Variants in ATP6V1C2 observed in about 807,000 individuals in gnomAD.
The protein encoded by ATP6V1C2 is ATPase H+ transporting V1 subunit C2.
In ATP6V1C2, 45 loss-of-function variants were observed where a neutral mutation model predicts 56.8. That is an observed-to-expected ratio of 0.79 (90% CI 0.62 to 1.02). ATP6V1C2 has a LOEUF of 1.02. ATP6V1C2 is among the 50% of genes least tolerant of loss of function. ATP6V1C2 has a pLI of 0.00. For missense variants in ATP6V1C2, 463 were observed against 519.7 expected (o/e 0.89, Z 1.06); for synonymous variants, 220 against 201.3 (o/e 1.09, Z -0.79).
chr2:10,756,016 A>G (rs1663534103), intron 4 of ATP6V1C2, among the ~76,000 whole-genome samples: 1 of 152,234 alleles, frequency 6.6e-6, no homozygotes, highest in Non-Finnish European at 1.5e-5. Flanking sequence ...ATCTGTAGAG[A>G]TAATTAAACT....
Position 10,764,287 on chromosome 2 carries a change from C to T in ATP6V1C2, c.284-44C>T, listed in dbSNP as rs373177193. Reference sequence around the variant, plus strand: ...GATTCCGAAGTCTCAATCATGGATGCAGAGCGCAGGCTCATGTGTTGAAAT... The same window carrying T: ...GATTCCGAAGTCTCAATCATGGATGTAGAGCGCAGGCTCATGTGTTGAAAT... On this transcript the variant is annotated intron_variant, in intron 4 of 13. Transcript: ENST00000272238. 46 of 1,496,614 alleles carry T rather than the reference C, an allele frequency of 3.1e-5. No homozygotes were observed. The African/African-American group carries it at 5.5e-4, about 18-fold the overall frequency. 92.7% of individuals were successfully genotyped at this position (1,496,614 alleles called of 1,614,324 possible). A position where few individuals can be genotyped will look rare whatever the true frequency, so the allele number is the denominator to read the frequency against.
intron 8 of ATP6V1C2, among the ~76,000 whole-genome samples, chr2:10,773,110 C>T (rs1180729626): frequency 2.6e-5 from 4 of 152,176 alleles, no homozygotes; most frequent in Non-Finnish European, 5.9e-5. Flanking sequence ...CGGGACACTG[C>T]ATGGCGGGGG....
intron 3 of ATP6V1C2, among the ~76,000 whole-genome samples, chr2:10,741,295 A>G (rs1485702273): frequency 1.3e-5 from 2 of 152,204 alleles, no homozygotes; most frequent in Non-Finnish European, 2.9e-5. Flanking sequence ...AAATCACTTA[A>G]TTGCTGTGGA....
intron 3 of ATP6V1C2, among the ~76,000 whole-genome samples, chr2:10,741,485 C>A (rs1226853221): frequency 1.3e-5 from 2 of 152,166 alleles, no homozygotes; most frequent in African/African-American, 4.8e-5. Context: ...GGTGTGGGGG[C>A]CCCTCTTGTG....
chr2:10,757,505 T>C, intron 4 of ATP6V1C2: 1 of 398,638 alleles, frequency 2.5e-6, no homozygotes. Context: ...GATGCCCGCA[T>C]GTCCCGGGAA....
At chr2:10,776,899 G>A (rs982767501) in intron 10 of ATP6V1C2, among the ~76,000 whole-genome samples, 18 of 152,238 alleles carry the variant, frequency 1.2e-4, no homozygotes, top group South Asian at 2.1e-4. Context: ...CTCTGTGGGC[G>A]GGAGGTGGAG....
chr2:10,764,476 C>A (rs1163485926), intron 5 of ATP6V1C2, 51 bp downstream of exon 5: 2 of 1,527,164 alleles, frequency 1.3e-6, no homozygotes, highest in African/African-American at 1.4e-5. Flanking sequence ...GTCAGGCGGG[C>A]AAGAGCCTGG....
intron 8 of ATP6V1C2, 52 bp from the exon 9 acceptor site, chr2:10,774,735 TC>T (rs1664847364): frequency 6.5e-7 from 1 of 1,543,968 alleles, no homozygotes; most frequent in African/African-American, 1.4e-5. Flanking sequence ...TGAGCCCCAC[TC>T]CCGCACAAGG....
In ATP6V1C2 at chr2:10,784,156, C is replaced by G. The variant is rs1293213107; in HGVS notation, c.*893C>G. The G allele has an allele frequency of 1.3e-6, 1 of 756,440 alleles. No homozygotes were observed. The highest frequency in any genetic ancestry group is 2.1e-6 in the Non-Finnish European group (1 of 474,394). 46.9% of individuals were successfully genotyped at this position (756,440 alleles called of 1,614,324 possible). On this transcript the variant is annotated 3_prime_UTR_variant, in exon 14 of 14. Transcript: ENST00000272238. ...CAAGTACTACTTCTTGGTTAAAAGGCCACTGGTAGAGTCATCTGAGTGTAG... is the reference window on the plus strand; with the variant it reads ...CAAGTACTACTTCTTGGTTAAAAGGGCACTGGTAGAGTCATCTGAGTGTAG...
chr2:10,770,484 G>A (rs1169013416), intron 6 of ATP6V1C2, among the ~76,000 whole-genome samples: 2 of 152,226 alleles, frequency 1.3e-5, no homozygotes, highest in African/African-American at 4.8e-5. Context: ...AGCTATGGAG[G>A]ATGGGACAGG....
At chr2:10,772,705 G>A in intron 8 of ATP6V1C2, 95 bp downstream of exon 8, 2 of 1,116,928 alleles carry the variant, frequency 1.8e-6, no homozygotes, top group East Asian at 2.3e-5. Context: ...AGGGTGTGAG[G>A]CTCCCCAGCT....
intron 3 of ATP6V1C2, among the ~76,000 whole-genome samples, chr2:10,731,598 C>T (rs1436481446): frequency 6.6e-6 from 1 of 152,198 alleles, no homozygotes; most frequent in Non-Finnish European, 1.5e-5. Context: ...CTGCCCTAGG[C>T]TAGTGAATGC....
At chr2:10,755,904 A>G (rs1663528866) in intron 4 of ATP6V1C2, among the ~76,000 whole-genome samples, 1 of 152,192 alleles carries the variant, frequency 6.6e-6, no homozygotes. Context: ...GATTCCAGTG[A>G]TGTTTTGGCC....
rs186062250 is a variant in ATP6V1C2 at position 10,777,951 on chromosome 2, G to A, written c.963+229G>A. ...TCGGCCAGGGCGCCTCTCCCCGGGC[G>A]CCTGGCTGGAGGTGGCTGGAGCTGG... On this transcript the variant is annotated intron_variant, in intron 11 of 13. Coordinates refer to ENST00000272238, the MANE Select transcript of ATP6V1C2 (RefSeq NM_001039362.2). Among the ~76,000 whole-genome samples the A allele has an allele frequency of 3.4e-3, 519 of 152,158 alleles. 3 individuals are homozygous for A. Among genetic ancestry groups the A allele is most frequent in the African/African-American group, 0.011 (468 of 41,478 alleles).
intron 12 of ATP6V1C2, 101 bp downstream of exon 12, chr2:10,778,770 C>A: frequency 9.0e-7 from 1 of 1,116,622 alleles, no homozygotes. Flanking sequence ...CCATCCTCCA[C>A]CCGTCTCCTT....
rs375380329 is a variant in ATP6V1C2 at position 10,775,009 on chromosome 2, A to G, written c.763A>G (p.Lys255Glu). Residue 255 changes from lysine to glutamate, a missense_variant, in exon 10 of 14, where the codon AAG (lysine) becomes GAG (glutamate). By Grantham distance (56) the Lys-to-Glu change is moderately conservative. Coordinates refer to ENST00000272238, the MANE Select transcript of ATP6V1C2 (RefSeq NM_001039362.2). ...FTVREFYYDEKEIEREREEMA... is the reference protein window; with the variant it reads ...FTVREFYYDEEEIEREREEMA... ...TGTTCGTGAATTTTACTATGATGAG[A>G]AGGAAATTGAAAGGGAAAGGGAGGA... The G allele has an allele frequency of 6.2e-7, 1 of 1,613,964 alleles. No individual in the cohort carries two copies. The highest frequency in any genetic ancestry group is 2.2e-5 in the East Asian group (1 of 44,878).
intron 6 of ATP6V1C2, among the ~76,000 whole-genome samples, chr2:10,769,681 A>G (rs1313135605): frequency 3.9e-5 from 6 of 151,914 alleles, no homozygotes; most frequent in African/African-American, 9.7e-5. Flanking sequence ...CAGCCTGGGC[A>G]TACAGTAAGA....
chr2:10,778,268 G>C (rs1383751271), intron 11 of ATP6V1C2, among the ~76,000 whole-genome samples: 2 of 152,230 alleles, frequency 1.3e-5, no homozygotes, highest in African/African-American at 4.8e-5. Flanking sequence ...ACAGTGTCAG[G>C]CAGAAGCCCC....
chr2:10,768,618 T>G, intron 5 of ATP6V1C2, 101 bp from the exon 6 acceptor site: 1 of 969,668 alleles, frequency 1.0e-6, no homozygotes, highest in Non-Finnish European at 1.6e-6. Flanking sequence ...AGGGCAGTTA[T>G]TTTTCTTGAA....
Sources: gnomAD v4.1 joint callset for allele counts (sites outside exome capture counted in the v4.1 genomes callset) on GRCh38, gnomAD v4.1.1 for gene constraint, MANE v1.5 for transcripts, NCBI Gene and HGNC (gene_info 2026-07-23, HGNC 2026-07-21) for gene names.